AUTS2: variants seen among roughly 807,000 people sequenced by gnomAD.
The protein encoded by AUTS2 is autism susceptibility gene 2 protein.
In AUTS2, 17 loss-of-function variants were observed where a neutral mutation model predicts 112.4. The observed-to-expected ratio is 0.15, with a 90% CI of 0.10 to 0.23. The LOEUF (loss-of-function observed/expected upper bound fraction) is 0.23, where lower values mean the gene tolerates loss of function less well. AUTS2 is among the 10% of genes least tolerant of loss of function. The pLI, the probability that AUTS2 is intolerant of heterozygous loss-of-function variation, is 1.00. For synonymous variants in AUTS2, 751 were observed against 702.7 expected, an observed-to-expected ratio of 1.07 and a Z score of -1.09; for missense variants, 1,510 against 1,701.6, an observed-to-expected ratio of 0.89 and a Z score of 1.98.
At chr7:70,103,512 A>G (rs1432171889) in intron 2 of AUTS2, among the ~76,000 whole-genome samples, 2 of 152,114 alleles carry the variant, frequency 1.3e-5, no homozygotes, top group African/African-American at 2.4e-5. Flanking sequence ...TCATCTCTCT[A>G]TATTTTAGTT....
In AUTS2 at chr7:70,059,166, A is replaced by G. The variant is rs546506751; in HGVS notation, c.523-58966A>G. On this transcript the variant is annotated intron_variant, in intron 2 of 18. Transcript: ENST00000342771. ...TTGCCCTAAAAATCCTTTGTGCTCT[A>G]CCTATTCATCCCCCTACCAAAACCC... Among the ~76,000 whole-genome samples, 14 of 152,292 alleles carry G rather than the reference A, an allele frequency of 9.2e-5. 1 individual carries two copies. In the East Asian group the frequency reaches 1.9e-3, roughly 21 times the overall value.
chr7:70,712,655 G>A (rs980565613), intron 6 of AUTS2, among the ~76,000 whole-genome samples: 2 of 152,174 alleles, frequency 1.3e-5, no homozygotes, highest in African/African-American at 4.8e-5. Context: ...TAATGCAGAC[G>A]ACTGTGGTCC....
At chr7:69,837,434 C>T (rs1562918417) in intron 1 of AUTS2, among the ~76,000 whole-genome samples, 1 of 152,144 alleles carries the variant, frequency 6.6e-6, no homozygotes, top group East Asian at 1.9e-4. Context: ...TCCTGGTTAC[C>T]TTTTGTTCTC....
At chr7:70,320,653 A>G (rs1465039898) in intron 4 of AUTS2, among the ~76,000 whole-genome samples, 1 of 152,212 alleles carries the variant, frequency 6.6e-6, no homozygotes, top group Non-Finnish European at 1.5e-5. Context: ...CAACTAATGA[A>G]ACTGAGCAGG....
rs183284566 is a variant in AUTS2 at position 69,663,674 on chromosome 7, G to A, written c.309+63712G>A. On this transcript the variant is annotated intron_variant, in intron 1 of 18. Coordinates refer to ENST00000342771, the MANE Select transcript of AUTS2 (RefSeq NM_015570.4). ...CTTGAGTATTCAGGTTCATGGCAAG[G>A]TTTAGATGGATGGGGAGGTATACTC... is the stretch of plus-strand genomic sequence containing the variant. Among the ~76,000 whole-genome samples the A allele has an allele frequency of 5.9e-3, 893 of 152,238 alleles. 3 individuals are homozygous for A. Among genetic ancestry groups the A allele is most frequent in the Non-Finnish European group, 9.3e-3 (631 of 68,022 alleles).
At chr7:70,042,012 T>A (rs958437121) in intron 2 of AUTS2, among the ~76,000 whole-genome samples, 26 of 152,320 alleles carry the variant, frequency 1.7e-4, no homozygotes, top group African/African-American at 6.3e-4. Context: ...CTTATTAAAA[T>A]TAACTTAATG....
intron 1 of AUTS2, among the ~76,000 whole-genome samples, chr7:69,821,797 T>C (rs1468395236): frequency 6.6e-6 from 1 of 151,232 alleles, no homozygotes; most frequent in Non-Finnish European, 1.5e-5. Context: ...CTGGACACAG[T>C]CCAAGCTACT....
At chr7:70,459,791 T>G (rs1796887625) in intron 5 of AUTS2, among the ~76,000 whole-genome samples, 1 of 152,142 alleles carries the variant, frequency 6.6e-6, no homozygotes, top group Non-Finnish European at 1.5e-5. Context: ...GCCTCCTGGA[T>G]GAACTGCACT....
At chr7:69,615,090 G>A (rs1255700527) in intron 1 of AUTS2, among the ~76,000 whole-genome samples, 2 of 151,964 alleles carry the variant, frequency 1.3e-5, no homozygotes, top group African/African-American at 4.8e-5. Flanking sequence ...TTGACTCTAG[G>A]GCCTGTCTCA....
At chr7:69,645,710 G>A (rs1794990139) in intron 1 of AUTS2, among the ~76,000 whole-genome samples, 1 of 152,146 alleles carries the variant, frequency 6.6e-6, no homozygotes, top group Non-Finnish European at 1.5e-5. Flanking sequence ...CTGAGTTTAA[G>A]GTGGTTTCTG....
intron 5 of AUTS2, among the ~76,000 whole-genome samples, chr7:70,668,645 C>T (rs997087353): frequency 2.6e-5 from 4 of 152,096 alleles, no homozygotes; most frequent in African/African-American, 7.2e-5. Flanking sequence ...AGGCTGTCCC[C>T]AAGTGGCCTC....
intron 5 of AUTS2, among the ~76,000 whole-genome samples, chr7:70,462,213 C>T (rs554840114): frequency 1.3e-5 from 2 of 152,222 alleles, no homozygotes; most frequent in East Asian, 1.9e-4. Context: ...GATTGAGTCA[C>T]TGCACTCCAG....
chr7:69,698,872 G>A (rs1797676117), intron 1 of AUTS2, among the ~76,000 whole-genome samples: 1 of 151,986 alleles, frequency 6.6e-6, no homozygotes, highest in Non-Finnish European at 1.5e-5. Context: ...ATAAGGGGTG[G>A]GTATGTATGG....
At chr7:70,413,188 C>A (rs1794847172) in intron 4 of AUTS2, among the ~76,000 whole-genome samples, 1 of 152,268 alleles carries the variant, frequency 6.6e-6, no homozygotes, top group East Asian at 1.9e-4. Context: ...AAAAGCAAAT[C>A]TTTGCTCATC....
At chr7:70,155,488 G>A (rs565272569) in intron 4 of AUTS2, among the ~76,000 whole-genome samples, 12 of 151,174 alleles carry the variant, frequency 7.9e-5, no homozygotes, top group Admixed American at 7.2e-4. Flanking sequence ...AGAGATCAGG[G>A]AATTTGTAAT....
intron 2 of AUTS2, among the ~76,000 whole-genome samples, chr7:69,935,838 C>T (rs747282659): frequency 6.6e-6 from 1 of 152,068 alleles, no homozygotes. Flanking sequence ...TCTGGTTTAG[C>T]GGTTAGAGCC....
At position 70,583,676 on chromosome 7, in the gene AUTS2, G is replaced by A. The variant is rs759957788; in HGVS notation, c.691-114893G>A. ...GAAAGAGCCTTTTGGGCCCATCCAA[G>A]GCTGCCCTCCAGGCACCATGACCGC... On this transcript the variant is annotated intron_variant, in intron 5 of 18. Coordinates refer to ENST00000342771, the MANE Select transcript of AUTS2 (RefSeq NM_015570.4). Among the ~76,000 whole-genome samples the A allele has an allele frequency of 4.7e-4, 71 of 152,204 alleles. 1 individual carries two copies. The highest frequency in any genetic ancestry group is 7.4e-4 in the Non-Finnish European group (50 of 68,026).
intron 1 of AUTS2, among the ~76,000 whole-genome samples, chr7:69,638,681 A>C (rs1794662206): frequency 6.6e-6 from 1 of 151,878 alleles, no homozygotes; most frequent in South Asian, 2.1e-4. Flanking sequence ...TTTCATTCAC[A>C]GTGGAGGTTT....
intron 2 of AUTS2, among the ~76,000 whole-genome samples, chr7:69,921,942 T>A (rs1271594460): frequency 6.6e-6 from 1 of 151,870 alleles, no homozygotes; most frequent in African/African-American, 2.4e-5. Context: ...CACATGCCTG[T>A]AATCCCAGCT....
Sources: gnomAD v4.1 joint callset for allele counts (sites outside exome capture counted in the v4.1 genomes callset) on GRCh38, gnomAD v4.1.1 for gene constraint, MANE v1.5 for transcripts, NCBI Gene and HGNC (gene_info 2026-07-23, HGNC 2026-07-21) for gene names.